The following RASL12 variants were observed in gnomAD, a reference collection of about 807,000 sequenced individuals.
RASL12 encodes RAS like family 12.
Under a neutral mutation model 22.9 loss-of-function variants are expected in RASL12, and 16 were observed. That is an observed-to-expected ratio of 0.70 (90% CI 0.47 to 1.06). The LOEUF is 1.06. RASL12 is among the 50% of genes least tolerant of loss of function. The probability of loss-of-function intolerance (pLI) is 0.00; values close to 1 mark genes in which losing one functional copy is unlikely to be tolerated. For missense variants in RASL12, 306 were observed against 353.1 expected (o/e 0.87, Z 1.07); for synonymous variants, 159 against 152.2 (o/e 1.04, Z -0.33).
chr15:65,066,672 G>A (rs1363895835), intron 1 of RASL12, among the ~76,000 whole-genome samples: 1 of 152,132 alleles, frequency 6.6e-6, no homozygotes, highest in Non-Finnish European at 1.5e-5. Flanking sequence ...ACAGAGCTAC[G>A]GATAACAATC....
At chr15:65,068,937 A>C (rs1428252995), upstream of RASL12, among the ~76,000 whole-genome samples, 1 of 152,232 alleles carries the variant, frequency 6.6e-6, no homozygotes, top group Non-Finnish European at 1.5e-5. The surrounding 1 kb of genome is among the most constrained non-coding windows in gnomAD (Gnocchi z 4.2). Context: ...TGACAGAATC[A>C]GCCCTGGGCT....
At chr15:65,073,871 G>C (rs2086947916) in intron 1 of RASL12, among the ~76,000 whole-genome samples, 1 of 152,198 alleles carries the variant, frequency 6.6e-6, no homozygotes, top group African/African-American at 2.4e-5. Flanking sequence ...AACAGTGCCT[G>C]ACACATAATG....
chr15:65,051,755 C>G, downstream of RASL12: 1 of 596,616 alleles, frequency 1.7e-6, no homozygotes, highest in Non-Finnish European at 2.9e-6. Context: ...CTTCGAGAAC[C>G]CCAAGCTGTT....
upstream of RASL12, among the ~76,000 whole-genome samples, chr15:65,071,722 G>A (rs955577941): frequency 6.6e-6 from 1 of 152,130 alleles, no homozygotes; most frequent in Non-Finnish European, 1.5e-5. Flanking sequence ...GTTCCATCTG[G>A]TTGTGTCTGC....
intron 4 of RASL12, among the ~76,000 whole-genome samples, chr15:65,056,506 T>C (rs376646021): frequency 6.6e-6 from 1 of 152,220 alleles, no homozygotes; most frequent in Admixed American, 6.5e-5. Flanking sequence ...TTATTTGCTT[T>C]TATGATGAGC....
chr15:65,066,450 G>C (rs2140532172), intron 1 of RASL12, among the ~76,000 whole-genome samples: 1 of 152,020 alleles, frequency 6.6e-6, no homozygotes, highest in South Asian at 2.1e-4. Context: ...AGGAGTTTGA[G>C]GCTATAGTGA....
chr15:65,050,550 G>A (rs1027884339), downstream of RASL12, among the ~76,000 whole-genome samples: 4 of 152,192 alleles, frequency 2.6e-5, no homozygotes, highest in African/African-American at 9.7e-5. Context: ...GTCAAGGAAG[G>A]CCTCACTAAA....
At chr15:65,048,620 T>A (rs1490729816), downstream of RASL12, among the ~76,000 whole-genome samples, 1 of 152,242 alleles carries the variant, frequency 6.6e-6, no homozygotes, top group Admixed American at 6.5e-5. Flanking sequence ...ACACTTCTCT[T>A]GTTTTATTTT....
intron 1 of RASL12, chr15:65,076,524 C>G: frequency 1.4e-6 from 1 of 698,670 alleles, no homozygotes; most frequent in Non-Finnish European, 2.6e-6. Flanking sequence ...AGCTGTAACA[C>G]TCACCTCGAG....
chr15:65,053,723 C>T lies in RASL12; in HGVS notation c.*1176G>A. On this transcript the variant is annotated 3_prime_UTR_variant, in exon 5 of 5. Transcript: ENST00000220062. Reference sequence around the variant, plus strand: ...TTTTCCCTGCTTGTCTGCTAAGAGTCTGTGCAAGACTTCCCTGGGACCTGG... The same window carrying T: ...TTTTCCCTGCTTGTCTGCTAAGAGTTTGTGCAAGACTTCCCTGGGACCTGG... 1 of 987,092 alleles carries T rather than the reference C, an allele frequency of 1.0e-6. No homozygotes were observed. The highest frequency in any genetic ancestry group is 1.2e-6 in the Non-Finnish European group (1 of 830,876). 61.1% of individuals were successfully genotyped at this position (987,092 alleles called of 1,614,324 possible). A position where few individuals can be genotyped will look rare whatever the true frequency, so the allele number is the denominator to read the frequency against.
chr15:65,067,979 C>T lies in RASL12; in HGVS notation c.-144G>A, dbSNP rs2086901143. Reference sequence around the variant, plus strand: ...GTCGGCGTCCGCGCCCTCGGCCCCGCGTCCAGCGGGCTGCCACCCCGCGGG... The same window carrying T: ...GTCGGCGTCCGCGCCCTCGGCCCCGTGTCCAGCGGGCTGCCACCCCGCGGG... On this transcript the variant is annotated 5_prime_UTR_variant, in exon 1 of 5. Coordinates refer to ENST00000220062, the MANE Select transcript of RASL12 (RefSeq NM_016563.4). The T allele has an allele frequency of 8.5e-7, 1 of 1,170,860 alleles. No individual in the cohort carries two copies. Among genetic ancestry groups the T allele is most frequent in the Non-Finnish European group, 1.1e-6 (1 of 949,124 alleles). 72.5% of individuals were successfully genotyped at this position (1,170,860 alleles called of 1,614,324 possible). A position where few individuals can be genotyped will look rare whatever the true frequency, so the allele number is the denominator to read the frequency against.
In RASL12 at chr15:65,055,255, C is replaced by T. The variant is rs200005002; in HGVS notation, c.445G>A (p.Gly149Ser). 1.3e-6 allele frequency: 2 copies of T among 1,583,742 alleles called. No homozygotes were observed. The highest frequency in any genetic ancestry group is 1.7e-5 in the Admixed American group (1 of 58,314). ...AQYRQVTKAEGVALAGRFGCL... is the reference protein window; with the variant it reads ...AQYRQVTKAESVALAGRFGCL... The stretch of plus-strand genomic sequence containing the variant: ...CCAAACCTGCCTGCCAAAGCCACAC[C>T]CTCTGCCTTGGTGACTTGCCTGGTG... The change falls in exon 5 of 5, where the codon GGT (glycine) becomes AGT (serine). Residue 149 changes from glycine to serine, a missense_variant. Coordinates refer to ENST00000220062, the MANE Select transcript of RASL12 (RefSeq NM_016563.4).
chr15:65,067,849 A>C lies in RASL12; in HGVS notation c.-14T>G. 1 of 1,502,608 alleles carries C rather than the reference A, an allele frequency of 6.7e-7. No individual in the cohort carries two copies. Among genetic ancestry groups the C allele is most frequent in the East Asian group, 2.7e-5 (1 of 37,324 alleles). 93.1% of individuals were successfully genotyped at this position (1,502,608 alleles called of 1,614,324 possible). A position where few individuals can be genotyped will look rare whatever the true frequency, so the allele number is the denominator to read the frequency against. ...CACCGAGGACATGGCGACGCCCTGG[A>C]CGGCCACGCAGGTCTGCGGCCGGTG... On this transcript the variant is annotated 5_prime_UTR_variant, in exon 1 of 5. Coordinates refer to ENST00000220062, the MANE Select transcript of RASL12 (RefSeq NM_016563.4).
At chr15:65,052,905 C>T (rs552003582), downstream of RASL12, 59 of 1,530,476 alleles carry the variant, frequency 3.9e-5, no homozygotes, top group Middle Eastern at 3.6e-4. Context: ...GCCATTTGGG[C>T]GACCCAGTCC....
At chr15:65,070,354 G>A (rs1428998210), upstream of RASL12, among the ~76,000 whole-genome samples, 4 of 152,254 alleles carry the variant, frequency 2.6e-5, no homozygotes, top group African/African-American at 7.2e-5. Context: ...CCAAGGAAGT[G>A]GAGGTTAGTT....
At position 65,059,227 on chromosome 15, in the gene RASL12, G is replaced by A. The variant is rs1353365268; in HGVS notation, c.234+118C>T. The A allele has an allele frequency of 1.5e-5, 12 of 826,792 alleles. No homozygotes were observed. The South Asian group carries it at 1.6e-4, about 11-fold the overall frequency. 51.2% of individuals were successfully genotyped at this position (826,792 alleles called of 1,614,324 possible). A position where few individuals can be genotyped will look rare whatever the true frequency, so the allele number is the denominator to read the frequency against. ...CAAGTGCCTCATTCAGGGTTACACAGCAAAGTTGAGCTTAAAAGGCATCTA... is the reference window on the plus strand; with the variant it reads ...CAAGTGCCTCATTCAGGGTTACACAACAAAGTTGAGCTTAAAAGGCATCTA... On this transcript the variant is annotated intron_variant, in intron 3 of 4. Transcript: ENST00000220062.
intron 1 of RASL12, among the ~76,000 whole-genome samples, chr15:65,076,204 T>C (rs2086967825): frequency 6.6e-6 from 1 of 152,210 alleles, no homozygotes; most frequent in African/African-American, 2.4e-5. Context: ...CCTTCCACAC[T>C]GTGGACGCTT....
At chr15:65,051,618 T>C (rs2086654131), downstream of RASL12, 1 of 1,612,196 alleles carries the variant, frequency 6.2e-7, no homozygotes, top group East Asian at 2.2e-5. Context: ...GAGGAGCTGG[T>C]CCTGGGGGGA....
rs1052189384 is a variant in RASL12 at position 65,053,445 on chromosome 15, G to C, written c.*1454C>G. On this transcript the variant is annotated 3_prime_UTR_variant, in exon 5 of 5. Transcript: ENST00000220062. ...TACACACACACATACACACACAAGT[G>C]GCCTGGAGCAAAAGTGCAAAATCCG... 6.6e-6 allele frequency: 8 copies of C among 1,205,078 alleles called. No homozygotes were observed. The Admixed American group carries it at 1.3e-4, about 19-fold the overall frequency. The allele number at this position is 1,205,078 out of a possible 1,614,324, so 74.6% of individuals were successfully genotyped here. A position where few individuals can be genotyped will look rare whatever the true frequency, so the allele number is the denominator to read the frequency against.
Sources: gnomAD v4.1 joint callset for allele counts (sites outside exome capture counted in the v4.1 genomes callset) on GRCh38, gnomAD v4.1.1 for gene constraint, Gnocchi (gnomAD v3.1) non-coding constraint, MANE v1.5 for transcripts, NCBI Gene and HGNC (gene_info 2026-07-23, HGNC 2026-07-21) for gene names.